ABCA3: variants seen among roughly 807,000 people sequenced by gnomAD.
The protein encoded by ABCA3 is ATP binding cassette subfamily A member 3, also known as phospholipid-transporting ATPase ABCA3.
Under a neutral mutation model 172.8 loss-of-function variants are expected in ABCA3, and 88 were observed. The ratio of observed to expected loss-of-function variants is 0.51; its 90% CI spans 0.43 to 0.61. ABCA3 has a LOEUF of 0.61. Ranked by LOEUF, ABCA3 falls within the 20% of genes least tolerant of loss-of-function variation. The pLI is 0.00. For synonymous variants in ABCA3, 1,066 were observed against 983.8 expected, an observed-to-expected ratio of 1.08 and a Z score of -1.56; for missense variants, 2,164 against 2,301.0, an observed-to-expected ratio of 0.94 and a Z score of 1.22.
chr16:2,335,015 G>A (rs2093749590), intron 1 of ABCA3, among the ~76,000 whole-genome samples: 1 of 151,666 alleles, frequency 6.6e-6, no homozygotes, highest in African/African-American at 2.4e-5. Context: ...TTTCAGTAGA[G>A]ACGGGGTTTC....
rs1283973190 is a variant in ABCA3 at position 2,286,963 on chromosome 16, G to T, written c.3009C>A (p.Asp1003Glu). The T allele has an allele frequency of 6.2e-7, 1 of 1,612,830 alleles. No individual in the cohort carries two copies. Among genetic ancestry groups the T allele is most frequent in the Admixed American group, 1.7e-5 (1 of 59,862 alleles). The change falls in exon 22 of 33, where the codon GAC (aspartate) becomes GAA (glutamate). Residue 1003 changes from aspartate to glutamate, a missense_variant. By Grantham distance (45) the Asp-to-Glu change is conservative. Around this residue, in one of 3 missense-constraint regions of ABCA3, gnomAD observed 1,343 missense variants for 1,369.6 expected, o/e 0.98. Transcript: ENST00000301732. The surrounding 1 kb of genome is among the most constrained non-coding windows in gnomAD (Gnocchi z 5.2). Reference protein sequence around the residue: ...EGQEPREVLGDLEEFLIFRAS... With the variant: ...EGQEPREVLGELEEFLIFRAS... ...CCCTGAAGATCAAGAACTCCTCCAG[G>T]TCACCTGGGGAGCAATGGCAGAGTC... is the stretch of plus-strand genomic sequence containing the variant.
intron 3 of ABCA3, among the ~76,000 whole-genome samples, chr16:2,326,786 G>A (rs923819477): frequency 6.6e-6 from 1 of 152,120 alleles, no homozygotes; most frequent in Non-Finnish European, 1.5e-5. Flanking sequence ...TCAGGAGTTC[G>A]AGACAAGCCT....
intron 12 of ABCA3, among the ~76,000 whole-genome samples, chr16:2,302,732 A>T (rs1056811410): frequency 6.6e-6 from 1 of 150,512 alleles, no homozygotes; most frequent in Non-Finnish European, 1.5e-5. Context: ...TCATCCTTCC[A>T]CCTCAGCCTC....
Position 2,281,382 on chromosome 16 carries a change from T to C in ABCA3, c.4163A>G (p.Lys1388Arg). ...CTCCACCCCAAATTGCAAGGGTACC[T>C]TGGAGAGCTCCTTGATAATCAGAGG... ...HTPLIIKELS[K>R]VYEQRVPLLA... The change falls in exon 27 of 33, where the codon AAG becomes AGG. Residue 1388 changes from lysine to arginine, a missense_variant and splice_region_variant. Lys to Arg is a conservative substitution (Grantham distance 26). Around this residue, in one of 3 missense-constraint regions of ABCA3, gnomAD observed 795 missense variants for 881.9 expected, o/e 0.90. Transcript: ENST00000301732. This position sits in a 1 kb window ranked among gnomAD's most constrained non-coding sequence, Gnocchi z 4.7. 3 of 1,613,646 alleles carry C rather than the reference T, an allele frequency of 1.9e-6. No individual in the cohort carries two copies. Among genetic ancestry groups the C allele is most frequent in the Non-Finnish European group, 2.5e-6 (3 of 1,179,980 alleles).
At chr16:2,320,298 C>G (rs1372545883) in intron 7 of ABCA3, among the ~76,000 whole-genome samples, 1 of 148,734 alleles carries the variant, frequency 6.7e-6, no homozygotes, top group Non-Finnish European at 1.5e-5. Flanking sequence ...CGGGGTTTCA[C>G]CGTGTTAGCC....
chr16:2,332,580 G>A (rs1596871225), intron 1 of ABCA3: 7 of 1,406,722 alleles, frequency 5.0e-6, no homozygotes, highest in South Asian at 1.2e-5. Context: ...GCTCCTTGCT[G>A]AGAAGCAAAA....
chr16:2,297,476 G>T lies in ABCA3; in HGVS notation c.2116C>A (p.Leu706Ile), dbSNP rs748519965. 6.2e-7 allele frequency: 1 copy of T among 1,613,762 alleles called. No individual in the cohort carries two copies. The highest frequency in any genetic ancestry group is 8.5e-7 in the Non-Finnish European group (1 of 1,180,026). ...CGGTCACTTTTCTGCCGCTGAAGAAGATCCCAGATGGCCCTCCTGGAGATG... is the reference window on the plus strand; with the variant it reads ...CGGTCACTTTTCTGCCGCTGAAGAATATCCCAGATGGCCCTCCTGGAGATG... Reference protein sequence around the residue: ...DAISRRAIWDLLQRQKSDRTI... With the variant: ...DAISRRAIWDILQRQKSDRTI... Residue 706 changes from leucine (L) to isoleucine (I), a missense_variant, in exon 17 of 33, where the codon CTT becomes ATT. Physicochemically the swap from Leu to Ile is conservative, Grantham distance 5 (BLOSUM62 2). This residue lies in a region of ABCA3 where 1,343 missense variants were observed against 1,369.6 expected (regional missense o/e 0.98). Coordinates refer to ENST00000301732, the MANE Select transcript of ABCA3 (RefSeq NM_001089.3). The surrounding 1 kb of genome is among the most constrained non-coding windows in gnomAD (Gnocchi z 5.6).
rs1303932837 is a variant in ABCA3 at position 2,300,048 on chromosome 16, G to A, written c.1568C>T (p.Pro523Leu). ...CTTGATCCCCGCCACCAGGTCCTCT[G>A]GCTCGGCTTCAAAGTACTCGTTTCT... ...ALRNEYFEAE[P>L]EDLVAGIKIK... Residue 523 changes from proline to leucine, a missense_variant, in exon 13 of 33, where the codon CCA becomes CTA. By Grantham distance (98) the Pro-to-Leu change is moderately conservative. Coordinates refer to ENST00000301732, the MANE Select transcript of ABCA3 (RefSeq NM_001089.3). 1.2e-6 allele frequency: 2 copies of A among 1,613,390 alleles called. No individual in the cohort carries two copies. Among genetic ancestry groups the A allele is most frequent in the South Asian group, 1.1e-5 (1 of 91,030 alleles).
chr16:2,320,152 G>A (rs968304013), intron 7 of ABCA3, among the ~76,000 whole-genome samples: 3 of 151,728 alleles, frequency 2.0e-5, no homozygotes, highest in African/African-American at 7.3e-5. Context: ...AGGCTGGAGT[G>A]CAGTGGCGCG....
Position 2,284,282 on chromosome 16 carries a change from A to G in ABCA3, c.3859T>C (p.Tyr1287His), listed in dbSNP as rs1439485300. The change falls in exon 25 of 33, where the codon TAT (tyrosine) becomes CAT (histidine). Residue 1287 changes from tyrosine (Y) to histidine (H), a missense_variant. By Grantham distance (83) the Tyr-to-His change is moderately conservative. Around this residue, in one of 3 missense-constraint regions of ABCA3, gnomAD observed 795 missense variants for 881.9 expected, o/e 0.90. Transcript: ENST00000301732. The surrounding 1 kb of genome is among the most constrained non-coding windows in gnomAD (Gnocchi z 5.9). ...GGGTCGGGGCTGGGACACTCACTAT[A>G]TTTCTTGCAGTAGTGGGCGGCGACC... is the stretch of plus-strand genomic sequence containing the variant. ...SEVAAHYCKKYNIQYQENFYA... is the reference protein window; with the variant it reads ...SEVAAHYCKKHNIQYQENFYA... 1 of 1,613,162 alleles carries G rather than the reference A, an allele frequency of 6.2e-7. No homozygotes were observed. The highest frequency in any genetic ancestry group is 1.1e-5 in the South Asian group (1 of 91,078).
intron 20 of ABCA3, chr16:2,288,920 C>G: frequency 1.1e-5 from 2 of 183,620 alleles, no homozygotes; most frequent in Non-Finnish European, 2.3e-5. Flanking sequence ...CACAAGGAGA[C>G]ACCACCACAC....
intron 6 of ABCA3, 35 bp downstream of exon 6, chr16:2,324,369 G>A: frequency 6.4e-7 from 1 of 1,563,008 alleles, no homozygotes; most frequent in Non-Finnish European, 8.6e-7. Flanking sequence ...CCTTGCTGAT[G>A]GGCTGTGACT....
intron 9 of ABCA3, 91 bp downstream of exon 9, chr16:2,317,557 T>C: frequency 6.3e-7 from 1 of 1,583,518 alleles, no homozygotes; most frequent in Non-Finnish European, 8.7e-7. Flanking sequence ...CTCTCTGAAG[T>C]CTCTGACCAC....
Position 2,326,109 on chromosome 16 carries a change from G to A in ABCA3, c.220C>T (p.Pro74Ser), listed in dbSNP as rs1314400451. 2 of 1,614,136 alleles carry A rather than the reference G, an allele frequency of 1.2e-6. No homozygotes were observed. Among genetic ancestry groups the A allele is most frequent in the Non-Finnish European group, 1.7e-6 (2 of 1,180,040 alleles). Residue 74 changes from proline (P) to serine (S), a missense_variant, in exon 5 of 33, where the codon CCA becomes TCA. Pro to Ser is a moderately conservative substitution (Grantham distance 74). This residue lies in a region of ABCA3 where 1,343 missense variants were observed against 1,369.6 expected (regional missense o/e 0.98). Transcript: ENST00000301732. ...TAGGCAAGCTCCCAGGTGTCTCCTG[G>A]CGGAGGGAAGGTGAAGAACAGAGGC... ...ELPLFFTFPPPGDTWELAYIP... is the reference protein window; with the variant it reads ...ELPLFFTFPPSGDTWELAYIP...
At chr16:2,330,314 G>A in intron 1 of ABCA3, among the ~76,000 whole-genome samples, 1 of 140,848 alleles carries the variant, frequency 7.1e-6, no homozygotes, top group Non-Finnish European at 1.5e-5. Context: ...AAGAATATAA[G>A]CTCTATTTTT....
chr16:2,296,698 G>T (rs548809008), intron 17 of ABCA3, among the ~76,000 whole-genome samples: 6 of 152,330 alleles, frequency 3.9e-5, no homozygotes, highest in African/African-American at 1.2e-4. Flanking sequence ...CAAAACCCTG[G>T]TATCTTGGCT....
At chr16:2,324,993 T>C (rs2093732099) in intron 5 of ABCA3, among the ~76,000 whole-genome samples, 2 of 152,208 alleles carry the variant, frequency 1.3e-5, no homozygotes, top group African/African-American at 4.8e-5. Flanking sequence ...CGTCATTTTG[T>C]GAGGGACCAA....
chr16:2,287,582 A>C lies in ABCA3; in HGVS notation c.3004+444T>G, dbSNP rs575688588. On this transcript the variant is annotated intron_variant, in intron 21 of 32. Transcript: ENST00000301732. This position sits in a 1 kb window ranked among gnomAD's most constrained non-coding sequence, Gnocchi z 4.1. ...TGTGAGCTACTGTGCCTGGCCAAGA[A>C]CTGTGAGTTTTAAGATGTTGAAAGA... is the stretch of plus-strand genomic sequence containing the variant. Among the ~76,000 whole-genome samples the C allele has an allele frequency of 5.3e-5, 8 of 152,342 alleles. No individual in the cohort carries two copies. Among genetic ancestry groups the C allele is most frequent in the African/African-American group, 1.7e-4 (7 of 41,576 alleles).
chr16:2,330,958 G>A lies in ABCA3; in HGVS notation c.-538-1104C>T, dbSNP rs1021744954. ...CCTGGAACATCACCCTTTTGCAGAC[G>A]AAGAAACAAGGAGGAAATGCCTGGC... On this transcript the variant is annotated intron_variant, in intron 1 of 32. Transcript: ENST00000301732. Among the ~76,000 whole-genome samples, 10 of 151,946 alleles carry A rather than the reference G, an allele frequency of 6.6e-5. No homozygotes were observed. In the East Asian group the frequency reaches 1.4e-3, roughly 21 times the overall value.
Sources: gnomAD v4.1 joint callset for allele counts (sites outside exome capture counted in the v4.1 genomes callset) on GRCh38, gnomAD v4.1.1 for gene constraint, gnomAD v4.1.1 regional missense constraint, Gnocchi (gnomAD v3.1) non-coding constraint, MANE v1.5 for transcripts, NCBI Gene and HGNC (gene_info 2026-07-23, HGNC 2026-07-21) for gene names.